Variants in GULP1 observed in about 807,000 individuals in gnomAD.
GULP1 encodes GULP PTB domain containing engulfment adaptor 1, also known as PTB domain-containing engulfment adapter protein 1.
In GULP1, 19 loss-of-function variants were observed where a neutral mutation model predicts 40.9. That is an observed-to-expected ratio of 0.46 (90% confidence interval 0.32 to 0.68). The LOEUF is 0.68. Ranked by LOEUF, GULP1 falls within the 30% of genes least tolerant of loss-of-function variation. GULP1 has a pLI of 0.03. For missense variants in GULP1, 312 were observed against 362.2 expected (o/e 0.86, Z 1.12); for synonymous variants, 119 against 117.6 (o/e 1.01, Z -0.08).
intron 2 of GULP1, among the ~76,000 whole-genome samples, chr2:188,402,564 A>G (rs1484312777): frequency 6.6e-6 from 1 of 152,088 alleles, no homozygotes; most frequent in African/African-American, 2.4e-5. Context: ...AGATTTCAAT[A>G]GAGATTTGGA....
intron 2 of GULP1, among the ~76,000 whole-genome samples, chr2:188,414,216 CA>C (rs774779119): frequency 3.8e-3 from 171 of 44,678 alleles, no homozygotes; most frequent in Middle Eastern, 0.027. Flanking sequence ...GACTCCATCT[CA>C]AAAAAAAAAA....
At chr2:188,361,924 C>T (rs2046145383) in intron 1 of GULP1, among the ~76,000 whole-genome samples, 1 of 151,972 alleles carries the variant, frequency 6.6e-6, no homozygotes, top group African/African-American at 2.4e-5. Context: ...GCCTGCTTTT[C>T]CAAATTTAAT....
At chr2:188,385,943 C>T (rs2049676652) in intron 2 of GULP1, among the ~76,000 whole-genome samples, 1 of 152,196 alleles carries the variant, frequency 6.6e-6, no homozygotes, top group African/African-American at 2.4e-5. Flanking sequence ...AACTTTCCCA[C>T]ATTCTCCTGT....
chr2:188,589,775 T>C, intron 11 of GULP1: 1 of 1,267,444 alleles, frequency 7.9e-7, no homozygotes, highest in Non-Finnish European at 1.1e-6. Context: ...TTTATAATAA[T>C]TTTAAACAAC....
At chr2:188,472,877 T>C (rs147545475) in intron 2 of GULP1, among the ~76,000 whole-genome samples, 28 of 152,298 alleles carry the variant, frequency 1.8e-4, no homozygotes, top group African/African-American at 6.5e-4. Flanking sequence ...ATTGAAGAGT[T>C]AGGTATTTAT....
intron 5 of GULP1, among the ~76,000 whole-genome samples, chr2:188,525,592 T>TATGAAATCACA (rs60206734): frequency 0.034 from 5,188 of 152,262 alleles, 143 homozygotes; most frequent in African/African-American, 0.08. Context: ...ATTTGTGATG[T>TATGAAATCACA]TTACATGTAA....
intron 9 of GULP1, chr2:188,582,543 A>C: frequency 2.1e-6 from 1 of 471,414 alleles, no homozygotes; most frequent in South Asian, 1.5e-5. Flanking sequence ...CCAGTCAGTG[A>C]GAGCAGCATC....
At chr2:188,359,978 G>A (rs1256779302) in intron 1 of GULP1, among the ~76,000 whole-genome samples, 2 of 152,110 alleles carry the variant, frequency 1.3e-5, no homozygotes, top group Non-Finnish European at 2.9e-5. Context: ...GAGGTTTTCA[G>A]TGTTTGTTTT....
intron 1 of GULP1, among the ~76,000 whole-genome samples, chr2:188,374,428 TG>T (rs1266030433): frequency 6.6e-6 from 1 of 152,078 alleles, no homozygotes; most frequent in African/African-American, 2.4e-5. Context: ...AGTTCTAGAG[TG>T]GTCCTTCAGG....
rs201363968 is a variant in GULP1, at chr2:188,358,181, AAAC to A, written c.-171-25555_-171-25553del. On this transcript the variant is annotated intron_variant, in intron 1 of 11. Coordinates refer to ENST00000409830, the MANE Select transcript of GULP1 (RefSeq NM_016315.4). ...GGGTGACAGAGCGAGACTCCATCTC[AAAC>A]AACAACAACAACAACAACAACAACA... Among the ~76,000 whole-genome samples the A allele has an allele frequency of 1.3e-3, 193 of 151,684 alleles. 1 individual carries two copies. The highest frequency in any genetic ancestry group is 4.0e-3 in the African/African-American group (167 of 41,396).
intron 1 of GULP1, among the ~76,000 whole-genome samples, chr2:188,314,847 C>T (rs1228476149): frequency 6.6e-6 from 1 of 152,132 alleles, no homozygotes; most frequent in Non-Finnish European, 1.5e-5. Flanking sequence ...ACACTATCCC[C>T]TACTTTTGAA....
intron 1 of GULP1, among the ~76,000 whole-genome samples, chr2:188,330,217 G>A (rs1386945063): frequency 6.6e-6 from 1 of 151,972 alleles, no homozygotes; most frequent in Non-Finnish European, 1.5e-5. Context: ...TTAAGATTAG[G>A]TAAGTATTTT....
intron 1 of GULP1, among the ~76,000 whole-genome samples, chr2:188,333,145 T>C (rs1419199583): frequency 6.6e-6 from 1 of 151,494 alleles, no homozygotes; most frequent in Non-Finnish European, 1.5e-5. Flanking sequence ...TTAGGGAGGC[T>C]GAGGTGGGAG....
intron 4 of GULP1, among the ~76,000 whole-genome samples, chr2:188,497,808 A>G (rs2063047805): frequency 6.6e-6 from 1 of 151,958 alleles, no homozygotes; most frequent in Non-Finnish European, 1.5e-5. Context: ...AGAAAATGTT[A>G]TGGTATACAA....
intron 2 of GULP1, among the ~76,000 whole-genome samples, chr2:188,473,177 C>T (rs2060734740): frequency 6.6e-6 from 1 of 151,308 alleles, no homozygotes; most frequent in African/African-American, 2.5e-5. Context: ...CTCTCTCTCT[C>T]TGTTCTGAAC....
At chr2:188,410,097 G>A (rs938987390) in intron 2 of GULP1, among the ~76,000 whole-genome samples, 1 of 152,060 alleles carries the variant, frequency 6.6e-6, no homozygotes, top group African/African-American at 2.4e-5. Context: ...AGTGGAGAAA[G>A]GACAGTATCT....
chr2:188,464,930 A>T (rs752594794), intron 2 of GULP1, among the ~76,000 whole-genome samples: 9 of 152,102 alleles, frequency 5.9e-5, no homozygotes, highest in Non-Finnish European at 1.3e-4. Flanking sequence ...TCCCCAGAGA[A>T]GGTCCAGAAA....
chr2:188,558,595 G>A (rs1033022917), intron 7 of GULP1, among the ~76,000 whole-genome samples: 2 of 152,204 alleles, frequency 1.3e-5, no homozygotes, highest in African/African-American at 2.4e-5. Context: ...TGGGTAACAG[G>A]CAGAGGGTGG....
intron 9 of GULP1, among the ~76,000 whole-genome samples, chr2:188,581,771 C>T (rs771225853): frequency 2.9e-4 from 44 of 152,198 alleles, no homozygotes; most frequent in Non-Finnish European, 5.9e-4. Context: ...TTTGAATCTG[C>T]TTTCTACCTC....
Sources: gnomAD v4.1 joint callset for allele counts (sites outside exome capture counted in the v4.1 genomes callset) on GRCh38, gnomAD v4.1.1 for gene constraint, MANE v1.5 for transcripts, NCBI Gene and HGNC (gene_info 2026-07-23, HGNC 2026-07-21) for gene names.